The following CUX2 variants were observed in gnomAD, a reference collection of about 807,000 sequenced individuals.
The protein encoded by CUX2 is homeobox protein cut-like 2.
In CUX2, 40 loss-of-function variants were observed where a neutral mutation model predicts 144.8. That is an observed-to-expected ratio of 0.28 (90% CI 0.21 to 0.36). The LOEUF (loss-of-function observed/expected upper bound fraction) is 0.36, where lower values mean the gene tolerates loss of function less well. Ranked by LOEUF, CUX2 falls within the 10% of genes least tolerant of loss-of-function variation. The pLI, the probability that CUX2 is intolerant of heterozygous loss-of-function variation, is 1.00. For synonymous variants in CUX2, 827 were observed against 875.6 expected (o/e 0.94, Z 0.98); for missense variants, 1,615 against 1,994.0 (o/e 0.81, Z 3.62).
At chr12:111,135,049 A>G (rs948711395) in intron 1 of CUX2, among the ~76,000 whole-genome samples, 6 of 152,086 alleles carry the variant, frequency 3.9e-5, no homozygotes, top group Admixed American at 1.3e-4. Context: ...TGCTCTGGGG[A>G]CTGTTGATTG....
At chr12:111,137,937 T>C (rs1876021999) in intron 1 of CUX2, among the ~76,000 whole-genome samples, 1 of 152,340 alleles carries the variant, frequency 6.6e-6, no homozygotes. Context: ...CAGAATCAGG[T>C]CACCTGAGTC....
chr12:111,139,164 C>T (rs1487043623), intron 1 of CUX2, among the ~76,000 whole-genome samples: 3 of 152,068 alleles, frequency 2.0e-5, no homozygotes, highest in Non-Finnish European at 4.4e-5. Context: ...AGATAGCCCT[C>T]ACTCTTTGGG....
rs188487577 is a variant in CUX2, at chr12:111,270,587, A to G, written c.301+6748A>G. The G allele has an allele frequency of 5.3e-5, 8 of 151,546 alleles. No individual in the cohort carries two copies. In the East Asian group the frequency reaches 1.6e-3, roughly 30 times the overall value. The allele number at this position is 151,546 out of a possible 1,614,324, so 9.4% of individuals were successfully genotyped here. ...CCTTTATCGCACTCGTAGAGTCACT[A>G]GGTACGGACCCAAGCTTCAGAAGGC... is the stretch of plus-strand genomic sequence containing the variant. On this transcript the variant is annotated intron_variant, in intron 4 of 21. Coordinates refer to ENST00000261726, the MANE Select transcript of CUX2 (RefSeq NM_015267.4).
In CUX2 at chr12:111,089,265, G is replaced by A. The variant is rs182095608; in HGVS notation, c.63+55025G>A. ...TCCAGCAGCGCTGGGATTGAGTCTT[G>A]GCTCTGTAGATCACCAAACTGTGGC... is the stretch of plus-strand genomic sequence containing the variant. On this transcript the variant is annotated intron_variant, in intron 1 of 21. Transcript: ENST00000261726. Among the ~76,000 whole-genome samples the A allele has an allele frequency of 2.5e-3, 378 of 152,346 alleles. 2 individuals are homozygous for A. The highest frequency in any genetic ancestry group is 4.3e-3 in the Non-Finnish European group (293 of 68,038).
chr12:111,114,248 G>C (rs1176870368), intron 1 of CUX2, among the ~76,000 whole-genome samples: 1 of 151,476 alleles, frequency 6.6e-6, no homozygotes. Flanking sequence ...ACCAGCATTT[G>C]ATATTATCAT....
At position 111,171,915 on chromosome 12, in the gene CUX2, G is replaced by A. The variant is rs1878544035; in HGVS notation, c.64-42285G>A. On this transcript the variant is annotated intron_variant, in intron 1 of 21. Coordinates refer to ENST00000261726, the MANE Select transcript of CUX2 (RefSeq NM_015267.4). The surrounding 1 kb of genome is among the most constrained non-coding windows in gnomAD (Gnocchi z 5.0). Reference sequence around the variant, plus strand: ...TGGGCAGGCAGCATATGCACTCTCTGTGTGTGCGTGTGCCTGTGCCTGTGT... The same window carrying A: ...TGGGCAGGCAGCATATGCACTCTCTATGTGTGCGTGTGCCTGTGCCTGTGT... 6.6e-6 allele frequency among the ~76,000 whole-genome samples: 1 copy of A among 152,244 alleles called. No individual in the cohort carries two copies. The highest frequency in any genetic ancestry group is 2.1e-4 in the South Asian group (1 of 4,834).
rs1045407681 is a variant in CUX2 at position 111,118,248 on chromosome 12, C to G, written c.63+84008C>G. Among the ~76,000 whole-genome samples the G allele has an allele frequency of 2.6e-5, 4 of 152,118 alleles. No homozygotes were observed. The East Asian group carries it at 7.7e-4, about 29-fold the overall frequency. On this transcript the variant is annotated intron_variant, in intron 1 of 21. Coordinates refer to ENST00000261726, the MANE Select transcript of CUX2 (RefSeq NM_015267.4). ...TACTAGAGTGTAATTATATTTCAAA[C>G]CAGGTACTCAAAACTCATCACTTCC...
At chr12:111,043,708 G>A (rs1869857684) in intron 1 of CUX2, among the ~76,000 whole-genome samples, 1 of 152,152 alleles carries the variant, frequency 6.6e-6, no homozygotes, top group Non-Finnish European at 1.5e-5. Context: ...AGCACTCCGG[G>A]AGGTACCATT....
Position 111,310,387 on chromosome 12 carries a change from C to G in CUX2, c.1605C>G (p.Pro535=). ...CTGAGCCACTGGGCGGTCCTGAGCCCGCGGATGGTGGTGGGGGCGGAGCGG... is the reference window on the plus strand; with the variant it reads ...CTGAGCCACTGGGCGGTCCTGAGCCGGCGGATGGTGGTGGGGGCGGAGCGG... ...PGPEPLGGPE[P]ADGGGGGAAG... Residue 535 remains proline (P), a synonymous_variant, in exon 15 of 22, where the codon CCC becomes CCG. Transcript: ENST00000261726. The surrounding 1 kb of genome is among the most constrained non-coding windows in gnomAD (Gnocchi z 7.9). 1 of 1,604,696 alleles carries G rather than the reference C, an allele frequency of 6.2e-7. No homozygotes were observed. Among genetic ancestry groups the G allele is most frequent in the South Asian group, 1.1e-5 (1 of 90,430 alleles).
At chr12:111,187,982 C>T (rs1192732769) in intron 1 of CUX2, among the ~76,000 whole-genome samples, 1 of 152,236 alleles carries the variant, frequency 6.6e-6, no homozygotes, top group African/African-American at 2.4e-5. Flanking sequence ...TTAAACTTGG[C>T]CTATCTCATT....
chr12:111,130,474 C>A (rs1040912138), intron 1 of CUX2, among the ~76,000 whole-genome samples: 1 of 152,234 alleles, frequency 6.6e-6, no homozygotes, highest in African/African-American at 2.4e-5. Flanking sequence ...TGGCCCCTCC[C>A]ACTCTGGGAT....
chr12:111,064,549 A>G (rs1870943166), intron 1 of CUX2, among the ~76,000 whole-genome samples: 1 of 152,220 alleles, frequency 6.6e-6, no homozygotes, highest in Non-Finnish European at 1.5e-5. Flanking sequence ...GATGAAAGCT[A>G]TGGATCTTCT....
chr12:111,216,047 G>A (rs1881509453), intron 2 of CUX2, among the ~76,000 whole-genome samples: 1 of 152,214 alleles, frequency 6.6e-6, no homozygotes, highest in African/African-American at 2.4e-5. Flanking sequence ...AGCTCCTCTG[G>A]CTGGTGCCCA....
At chr12:111,110,398 C>T (rs1233066150) in intron 1 of CUX2, among the ~76,000 whole-genome samples, 1 of 152,158 alleles carries the variant, frequency 6.6e-6, no homozygotes, top group Non-Finnish European at 1.5e-5. Flanking sequence ...TCTTCTTCCC[C>T]CAGCAAATCC....
At chr12:111,330,167 A>C (rs1356755224) in intron 18 of CUX2, among the ~76,000 whole-genome samples, 1 of 152,150 alleles carries the variant, frequency 6.6e-6, no homozygotes, top group African/African-American at 2.4e-5. Flanking sequence ...AGACTTCTTG[A>C]GACCTCACGG....
chr12:111,332,358 C>G (rs911037427), intron 18 of CUX2, among the ~76,000 whole-genome samples: 3 of 151,526 alleles, frequency 2.0e-5, no homozygotes, highest in Admixed American at 1.3e-4. Flanking sequence ...GTCTCCAACT[C>G]CTGACCTTAG....
intron 3 of CUX2, among the ~76,000 whole-genome samples, chr12:111,221,576 A>G (rs947639765): frequency 6.6e-6 from 1 of 152,172 alleles, no homozygotes. Flanking sequence ...AGGGCAGAAT[A>G]TCATGCCCGT....
intron 1 of CUX2, among the ~76,000 whole-genome samples, chr12:111,088,567 G>T (rs943786730): frequency 6.6e-6 from 1 of 152,162 alleles, no homozygotes; most frequent in Non-Finnish European, 1.5e-5. Context: ...GAATCCCTAC[G>T]ATGTGACGCT....
chr12:111,071,122 C>T (rs1349008769), intron 1 of CUX2, among the ~76,000 whole-genome samples: 2 of 150,182 alleles, frequency 1.3e-5, no homozygotes, highest in Admixed American at 6.6e-5. Context: ...TTTTCACCTC[C>T]TTTGGGTAAA....
Sources: allele counts gnomAD v4.1 joint callset (sites outside exome capture counted in the v4.1 genomes callset), GRCh38; gene constraint gnomAD v4.1.1; non-coding constraint Gnocchi (gnomAD v3.1); transcripts MANE v1.5; gene names NCBI Gene and HGNC (gene_info 2026-07-23, HGNC 2026-07-21).